The following PDE4B variants were observed in gnomAD, a reference collection of about 807,000 sequenced individuals.
The protein encoded by PDE4B is 3',5'-cyclic-AMP phosphodiesterase 4B.
Under a neutral mutation model 82.2 loss-of-function variants are expected in PDE4B, and 20 were observed. The observed-to-expected ratio is 0.24, with a 90% CI of 0.17 to 0.35. The LOEUF (loss-of-function observed/expected upper bound fraction) is 0.35. PDE4B is among the 10% of genes least tolerant of loss of function. The pLI is 1.00. For missense variants in PDE4B, 655 were observed against 907.2 expected, an observed-to-expected ratio of 0.72 and a Z score of 3.57; for synonymous variants, 320 against 318.9, an observed-to-expected ratio of 1.00 and a Z score of -0.04.
intron 3 of PDE4B, among the ~76,000 whole-genome samples, chr1:66,220,982 T>C (rs1428013883): frequency 2.0e-5 from 3 of 152,188 alleles, no homozygotes. Flanking sequence ...ATATAACATA[T>C]ATTAATATTT....
chr1:66,288,866 G>A (rs1431076630), intron 7 of PDE4B, among the ~76,000 whole-genome samples: 1 of 152,182 alleles, frequency 6.6e-6, no homozygotes, highest in African/African-American at 2.4e-5. Flanking sequence ...CTTGGCACCA[G>A]TTTCTGGGAG....
intron 3 of PDE4B, among the ~76,000 whole-genome samples, chr1:66,171,465 T>A (rs892185946): frequency 1.3e-5 from 2 of 152,172 alleles, no homozygotes; most frequent in African/African-American, 4.8e-5. Context: ...ATAACTAATG[T>A]CATTGTAATT....
intron 3 of PDE4B, among the ~76,000 whole-genome samples, chr1:66,009,403 T>C (rs1038743408): frequency 6.6e-6 from 1 of 152,210 alleles, no homozygotes; most frequent in African/African-American, 2.4e-5. Context: ...TTACAATTAA[T>C]TCCTCTTGTA....
intron 3 of PDE4B, among the ~76,000 whole-genome samples, chr1:66,000,758 A>G (rs1651820569): frequency 6.6e-6 from 1 of 152,192 alleles, no homozygotes; most frequent in Non-Finnish European, 1.5e-5. Context: ...CCTCTTCCAA[A>G]CTATACCTCT....
chr1:65,820,470 T>C (rs1472846691), intron 1 of PDE4B, among the ~76,000 whole-genome samples: 1 of 152,254 alleles, frequency 6.6e-6, no homozygotes, highest in East Asian at 1.9e-4. Context: ...CTAATGAGAT[T>C]AGATTGTCTG....
In PDE4B at chr1:65,907,297, T is replaced by C. The variant is rs550158706; in HGVS notation, c.-70-5948T>C. 2.6e-5 allele frequency among the ~76,000 whole-genome samples: 4 copies of C among 152,310 alleles called. No homozygotes were observed. In the South Asian group the frequency reaches 6.2e-4, roughly 24 times the overall value. On this transcript the variant is annotated intron_variant, in intron 1 of 16. Coordinates refer to ENST00000341517, the MANE Select transcript of PDE4B (RefSeq NM_002600.4). ...GGGGGAAAGTCTAATATTTTATGTA[T>C]CAAATTCTGATATGTTTATCTAATT...
At chr1:66,096,382 A>T (rs1645114322) in intron 3 of PDE4B, among the ~76,000 whole-genome samples, 1 of 151,124 alleles carries the variant, frequency 6.6e-6, no homozygotes, top group Non-Finnish European at 1.5e-5. Flanking sequence ...CGACAAATGC[A>T]TACAGTTGCA....
In PDE4B at chr1:65,850,413, A is replaced by G. The variant is rs181061591; in HGVS notation, c.-71+57165A>G. ...GCCCGGCCTGCTCTGTACTTTTTGT[A>G]GTGAATTTGTAGTGCATAGTGTAGA... On this transcript the variant is annotated intron_variant, in intron 1 of 16. Coordinates refer to ENST00000341517, the MANE Select transcript of PDE4B (RefSeq NM_002600.4). Among the ~76,000 whole-genome samples the G allele has an allele frequency of 3.2e-3, 493 of 152,176 alleles. 3 individuals carry two copies. The highest frequency in any genetic ancestry group is 0.011 in the African/African-American group (457 of 41,536).
intron 3 of PDE4B, among the ~76,000 whole-genome samples, chr1:66,112,352 T>C (rs1017111895): frequency 6.6e-6 from 1 of 152,212 alleles, no homozygotes; most frequent in African/African-American, 2.4e-5. Context: ...TGATTGAATG[T>C]CTGCCTCACC....
intron 1 of PDE4B, among the ~76,000 whole-genome samples, chr1:65,821,234 C>T (rs1645948965): frequency 6.6e-6 from 1 of 152,182 alleles, no homozygotes; most frequent in South Asian, 2.1e-4. Flanking sequence ...TATAAACTGT[C>T]AGTCTTTTTT....
chr1:65,833,762 T>C (rs538199685), intron 1 of PDE4B, among the ~76,000 whole-genome samples: 1 of 152,232 alleles, frequency 6.6e-6, no homozygotes, highest in Non-Finnish European at 1.5e-5. Flanking sequence ...TAGCTAGCAG[T>C]GTACTGAACA....
intron 3 of PDE4B, among the ~76,000 whole-genome samples, chr1:66,030,021 G>A (rs1653675121): frequency 7.3e-6 from 1 of 137,686 alleles, no homozygotes; most frequent in Non-Finnish European, 1.5e-5. Context: ...CTGCTTCAAT[G>A]CCTAATCTGT....
chr1:66,115,448 G>A (rs1283886463), intron 3 of PDE4B, among the ~76,000 whole-genome samples: 1 of 152,204 alleles, frequency 6.6e-6, no homozygotes, highest in African/African-American at 2.4e-5. Flanking sequence ...GAACTACCTG[G>A]CTGCCCAGCC....
intron 4 of PDE4B, among the ~76,000 whole-genome samples, chr1:66,256,061 C>T (rs1203742172): frequency 6.6e-6 from 1 of 152,126 alleles, no homozygotes; most frequent in Non-Finnish European, 1.5e-5. Flanking sequence ...CCTGTAGTCC[C>T]AGCTACTCCA....
intron 3 of PDE4B, among the ~76,000 whole-genome samples, chr1:66,051,217 A>T (rs1315837554): frequency 6.6e-6 from 1 of 152,032 alleles, no homozygotes; most frequent in Admixed American, 6.6e-5. Context: ...TAATAATAAA[A>T]TTAAAAAAAA....
intron 1 of PDE4B, among the ~76,000 whole-genome samples, chr1:65,815,640 C>T (rs1286560643): frequency 6.6e-6 from 1 of 151,972 alleles, no homozygotes; most frequent in Admixed American, 6.6e-5. Context: ...CATTGAGAAA[C>T]CAATTGTAAA....
chr1:66,234,414 A>G (rs1288277798), intron 3 of PDE4B, among the ~76,000 whole-genome samples: 1 of 152,072 alleles, frequency 6.6e-6, no homozygotes, highest in Non-Finnish European at 1.5e-5. Context: ...TCAGCCTCCC[A>G]TGTAGCTGGG....
chr1:66,107,101 G>A (rs3003664), intron 3 of PDE4B, among the ~76,000 whole-genome samples: 5 of 147,114 alleles, frequency 3.4e-5, no homozygotes, highest in East Asian at 2.0e-4. Context: ...CTCTACACAC[G>A]GCTTTGAATG....
chr1:66,011,793 A>G (rs1652501558), intron 3 of PDE4B, among the ~76,000 whole-genome samples: 1 of 152,134 alleles, frequency 6.6e-6, no homozygotes, highest in African/African-American at 2.4e-5. Context: ...ATTTCAGGCT[A>G]TGAGGAAACT....
Sources: gnomAD v4.1 joint callset for allele counts (sites outside exome capture counted in the v4.1 genomes callset) on GRCh38, gnomAD v4.1.1 for gene constraint, MANE v1.5 for transcripts, NCBI Gene and HGNC (gene_info 2026-07-23, HGNC 2026-07-21) for gene names.